ANKLE2: variants seen among roughly 807,000 people sequenced by gnomAD.
ANKLE2 encodes ankyrin repeat and LEM domain-containing protein 2.
ANKLE2 carries 55 observed loss-of-function variants against 84.2 expected under a neutral mutation model. The observed-to-expected ratio is 0.65, with a 90% confidence interval of 0.53 to 0.82. ANKLE2 has a LOEUF of 0.82. Among genes scored for constraint, ANKLE2 ranks in the 40% least tolerant of loss-of-function variants. The pLI is 0.00. For missense variants in ANKLE2, 1,238 were observed against 1,201.9 expected (o/e 1.03, Z -0.44); for synonymous variants, 551 against 486.1 (o/e 1.13, Z -1.76).
At chr12:132,729,088 C>T (rs2043769132) in intron 11 of ANKLE2, among the ~76,000 whole-genome samples, 1 of 151,808 alleles carries the variant, frequency 6.6e-6, no homozygotes, top group Non-Finnish European at 1.5e-5. Flanking sequence ...TGCGGTGGCT[C>T]ACGCCTGTGA....
Position 132,761,720 on chromosome 12 carries a change from C to G in ANKLE2, c.79G>C (p.Ala27Pro), listed in dbSNP as rs2044630893. 7.4e-7 allele frequency: 1 copy of G among 1,343,586 alleles called. No individual in the cohort carries two copies. The highest frequency in any genetic ancestry group is 1.7e-5 in the South Asian group (1 of 58,146). The allele number at this position is 1,343,586 out of a possible 1,614,324, so 83.2% of individuals were successfully genotyped here. A position where few individuals can be genotyped will look rare whatever the true frequency, so the allele number is the denominator to read the frequency against. The change falls in exon 1 of 13, where the codon GCT (alanine) becomes CCT (proline). Residue 27 changes from alanine to proline, a missense_variant. Ala to Pro is a conservative substitution (Grantham distance 27). Transcript: ENST00000357997. ...ELLGASVLLI[A>P]VRWLVRRLGP... ...AGCCGCCGCACCAGCCACCGCACAG[C>G]GATCAGCAGCACCGAGGCGCCCAGC... is the stretch of plus-strand genomic sequence containing the variant.
chr12:132,730,080 T>G lies in ANKLE2; in HGVS notation c.2082A>C (p.Pro694=). ...GGCAGAGCCCATTTCTGCTGCTGTG[T>G]GGACCTCCCGGCTCGGCGGCTTCTA... ...DLIEAAEPGG[P]HSSRNGLCHP... Residue 694 remains proline (P), a synonymous_variant, in exon 11 of 13, where the codon CCA becomes CCC. Transcript: ENST00000357997. 1 of 1,612,694 alleles carries G rather than the reference T, an allele frequency of 6.2e-7. No homozygotes were observed. Among genetic ancestry groups the G allele is most frequent in the Non-Finnish European group, 8.5e-7 (1 of 1,179,670 alleles).
At chr12:132,748,093 A>G in intron 4 of ANKLE2, 45 bp downstream of exon 4, 1 of 1,606,156 alleles carries the variant, frequency 6.2e-7, no homozygotes, top group Non-Finnish European at 8.5e-7. Context: ...CTGCGATGGA[A>G]CGGCCGGGAC....
intron 2 of ANKLE2, among the ~76,000 whole-genome samples, chr12:132,752,648 C>T (rs911087068): frequency 2.4e-4 from 37 of 152,182 alleles, no homozygotes; most frequent in Middle Eastern, 3.4e-3. Flanking sequence ...GGATTACAGG[C>T]GTGAGCCACC....
At chr12:132,752,576 A>G (rs1299931597) in intron 2 of ANKLE2, among the ~76,000 whole-genome samples, 1 of 152,016 alleles carries the variant, frequency 6.6e-6, no homozygotes, top group Non-Finnish European at 1.5e-5. Context: ...TCACCGTGTT[A>G]GCCAGGATGG....
At chr12:132,748,470 G>A (rs1593171341) in intron 3 of ANKLE2, 139 bp from the exon 4 acceptor site, 3 of 927,262 alleles carry the variant, frequency 3.2e-6, no homozygotes, top group East Asian at 5.2e-5. Context: ...GAAAAGACGA[G>A]AAGGGCCCAC....
Position 132,728,046 on chromosome 12 carries a change from G to A in ANKLE2, c.2601C>T (p.Pro867=). The A allele has an allele frequency of 2.5e-6, 4 of 1,607,704 alleles. No individual in the cohort carries two copies. The highest frequency in any genetic ancestry group is 3.4e-6 in the Non-Finnish European group (4 of 1,178,556). Residue 867 remains proline (P), a synonymous_variant, in exon 12 of 13, where the codon CCC becomes CCT. Coordinates refer to ENST00000357997, the MANE Select transcript of ANKLE2 (RefSeq NM_015114.3). ...RWKSAVLCYS[P]SDRQSWPSPA... is the part of the protein sequence containing the mutation. Reference sequence around the variant, plus strand: ...GCCCCACATACCTCTGTCTGTCCGAGGGTGAGTAGCACAGGACAGCACTCT... The same window carrying A: ...GCCCCACATACCTCTGTCTGTCCGAAGGTGAGTAGCACAGGACAGCACTCT...
intron 1 of ANKLE2, chr12:132,755,373 G>A (rs565638754): frequency 5.8e-5 from 22 of 382,322 alleles, no homozygotes; most frequent in Middle Eastern, 1.5e-3. Context: ...GTGAAACCAC[G>A]TCTCTACTGA....
At chr12:132,748,413 A>G in intron 3 of ANKLE2, 82 bp from the exon 4 acceptor site, 1 of 1,519,082 alleles carries the variant, frequency 6.6e-7, no homozygotes. Flanking sequence ...ATGAGGGATA[A>G]GCAGCTTTCC....
At position 132,748,304 on chromosome 12, in the gene ANKLE2, G is replaced by A; in HGVS notation, c.875C>T (p.Thr292Ile). The A allele has an allele frequency of 6.2e-7, 1 of 1,614,180 alleles. No homozygotes were observed. Among genetic ancestry groups the A allele is most frequent in the Non-Finnish European group, 8.5e-7 (1 of 1,180,034 alleles). The stretch of plus-strand genomic sequence containing the variant: ...ACTGTTCGCTCGCTCTTTGTTGACT[G>A]TTTCTGATTCCGACAAGCACAAACC... ...KDGLCLSESE[T>I]VNKERANSYK... The change falls in exon 4 of 13, where the codon ACA becomes ATA. Residue 292 changes from threonine (T) to isoleucine (I), a missense_variant. By Grantham distance (89) the Thr-to-Ile change is moderately conservative. This residue lies in a region of ANKLE2 where 422 missense variants were observed against 394.5 expected (regional missense o/e 1.07). Transcript: ENST00000357997.
chr12:132,727,136 G>A lies in ANKLE2; in HGVS notation c.*106C>T, dbSNP rs930638542. On this transcript the variant is annotated 3_prime_UTR_variant, in exon 13 of 13. Coordinates refer to ENST00000357997, the MANE Select transcript of ANKLE2 (RefSeq NM_015114.3). Reference sequence around the variant, plus strand: ...AAAATTCTCACACCCTCAAAGTGAGGAGTAATAATTTAATCAGAATATATT... The same window carrying A: ...AAAATTCTCACACCCTCAAAGTGAGAAGTAATAATTTAATCAGAATATATT... The A allele has an allele frequency of 8.7e-7, 1 of 1,149,306 alleles. No homozygotes were observed. The highest frequency in any genetic ancestry group is 1.2e-6 in the Non-Finnish European group (1 of 846,298). 71.2% of individuals were successfully genotyped at this position (1,149,306 alleles called of 1,614,324 possible).
At chr12:132,741,567 T>C (rs1439712715) in intron 6 of ANKLE2, 82 bp from the exon 7 acceptor site, 2 of 1,331,006 alleles carry the variant, frequency 1.5e-6, no homozygotes, top group South Asian at 1.2e-5. Flanking sequence ...AAAATAGTTT[T>C]AAACTCAGTA....
In ANKLE2 at chr12:132,748,148, G is replaced by T; in HGVS notation, c.1031C>A (p.Thr344Asn). 2 of 1,613,754 alleles carry T rather than the reference G, an allele frequency of 1.2e-6. No individual in the cohort carries two copies. Among genetic ancestry groups the T allele is most frequent in the Admixed American group, 3.3e-5 (2 of 59,952 alleles). ...RYLIGSGDNP[T>N]IVQEGCRYNV... ...ACCGCCGAGACCTACCTGCACGATA[G>T]TGGGGTTGTCTCCTGAGCCTATCAG... Residue 344 changes from threonine to asparagine, a missense_variant, in exon 4 of 13, where the codon ACT (threonine) becomes AAT (asparagine). Transcript: ENST00000357997.
At chr12:132,735,536 G>A (rs2043990842) in intron 8 of ANKLE2, 24 bp from the exon 9 acceptor site, 6 of 1,601,448 alleles carry the variant, frequency 3.7e-6, no homozygotes, top group East Asian at 2.2e-5. Flanking sequence ...AAAATGTATT[G>A]AGCCGTGTCA....
chr12:132,737,042 TC>T lies in ANKLE2; in HGVS notation c.1443del (p.Arg482GlufsTer37). On this transcript the variant is annotated frameshift_variant, in exon 8 of 13. Coordinates refer to ENST00000357997, the MANE Select transcript of ANKLE2 (RefSeq NM_015114.3). LOFTEE classifies it high-confidence loss of function. ...YLKGHYYVPL[L>X]RAEETSSPVI... ...ACTGGAGAAGAAGTCTCTTCCGCTC[TC>T]AGGAGGGGCACGTAGTAGTGGCCTG... 1 of 1,606,586 alleles carries T rather than the reference TC, an allele frequency of 6.2e-7. No homozygotes were observed. The highest frequency in any genetic ancestry group is 8.5e-7 in the Non-Finnish European group (1 of 1,174,520).
chr12:132,746,239 C>G (rs1330195496), intron 5 of ANKLE2, among the ~76,000 whole-genome samples: 1 of 151,672 alleles, frequency 6.6e-6, no homozygotes, highest in Non-Finnish European at 1.5e-5. Context: ...GTCCCAGCTA[C>G]TCGGGAGGCT....
In ANKLE2 at chr12:132,748,286, G is replaced by A. The variant is rs1036751408; in HGVS notation, c.893C>T (p.Ala298Val). Residue 298 changes from alanine (A) to valine (V), a missense_variant, in exon 4 of 13, where the codon GCG (alanine) becomes GTG (valine). This residue lies in a region of ANKLE2 where 422 missense variants were observed against 394.5 expected (regional missense o/e 1.07). Transcript: ENST00000357997. ...SESETVNKER[A>V]NSYKNPRTQD... ...CGTGCGGGGATTTTTGTAACTGTTC[G>A]CTCGCTCTTTGTTGACTGTTTCTGA... 22 of 1,614,038 alleles carry A rather than the reference G, an allele frequency of 1.4e-5. No individual in the cohort carries two copies. The highest frequency in any genetic ancestry group is 1.7e-5 in the Admixed American group (1 of 59,988).
chr12:132,742,792 TCACCA>T (rs2044157227), intron 6 of ANKLE2, among the ~76,000 whole-genome samples: 4 of 406 alleles, frequency 9.9e-3, no homozygotes, highest in Non-Finnish European at 0.013. Context: ...ACCACCATCA[TCACCA>T]TCACCATCAT....
chr12:132,725,992 G>C lies in ANKLE2; in HGVS notation c.*1250C>G, dbSNP rs1290375730. The C allele has an allele frequency of 6.6e-6, 1 of 152,098 alleles. No homozygotes were observed. Among genetic ancestry groups the C allele is most frequent in the South Asian group, 2.1e-4 (1 of 4,828 alleles). 9.4% of individuals were successfully genotyped at this position (152,098 alleles called of 1,614,324 possible). ...TTTTTTAAAACAAAGTTTCAATTCAGAATTTTTACAAACAAAAACAATCCT... is the reference window on the plus strand; with the variant it reads ...TTTTTTAAAACAAAGTTTCAATTCACAATTTTTACAAACAAAAACAATCCT... On this transcript the variant is annotated 3_prime_UTR_variant, in exon 13 of 13. Coordinates refer to ENST00000357997, the MANE Select transcript of ANKLE2 (RefSeq NM_015114.3).
Sources: gnomAD v4.1 joint callset for allele counts (sites outside exome capture counted in the v4.1 genomes callset) on GRCh38, gnomAD v4.1.1 for gene constraint, gnomAD v4.1.1 regional missense constraint, MANE v1.5 for transcripts, NCBI Gene and HGNC (gene_info 2026-07-23, HGNC 2026-07-21) for gene names.